The following TRAPPC3L variants were observed in gnomAD, a reference collection of about 807,000 sequenced individuals.
TRAPPC3L encodes the protein trafficking protein particle complex subunit 3-like protein.
In TRAPPC3L, 23 loss-of-function variants were observed where a neutral mutation model predicts 23.7. That is an observed-to-expected ratio of 0.97 (90% confidence interval 0.70 to 1.37). The LOEUF (loss-of-function observed/expected upper bound fraction) is 1.37, where lower values mean the gene tolerates loss of function less well. Ranked by LOEUF, TRAPPC3L falls within the 40% of genes most tolerant of loss-of-function variation. TRAPPC3L has a pLI of 0.00. For missense variants in TRAPPC3L, 212 were observed against 216.8 expected, an observed-to-expected ratio of 0.98 and a Z score of 0.14; for synonymous variants, 81 against 77.9, an observed-to-expected ratio of 1.04 and a Z score of -0.21.
At chr6:116,533,161 T>C (rs1186695308) in intron 3 of TRAPPC3L, among the ~76,000 whole-genome samples, 1 of 152,182 alleles carries the variant, frequency 6.6e-6, no homozygotes, top group Non-Finnish European at 1.5e-5. Flanking sequence ...CTGGAGTTCT[T>C]GGCCACAGTG....
At chr6:116,500,826 A>T (rs911963351) in intron 3 of TRAPPC3L, among the ~76,000 whole-genome samples, 160 bp from the exon 4 acceptor site, 2 of 152,218 alleles carry the variant, frequency 1.3e-5, no homozygotes, top group African/African-American at 4.8e-5. Flanking sequence ...CAATTTATTG[A>T]TCCTATGATG....
intron 3 of TRAPPC3L, chr6:116,517,436 G>C (rs1434227405): frequency 6.6e-6 from 1 of 152,084 alleles, no homozygotes. Flanking sequence ...TTAAATCTCT[G>C]AGAAGAATTG....
At chr6:116,509,364 CA>C (rs1364049527) in intron 3 of TRAPPC3L, among the ~76,000 whole-genome samples, 1 of 151,684 alleles carries the variant, frequency 6.6e-6, no homozygotes, top group Non-Finnish European at 1.5e-5. Flanking sequence ...TATATGGAAC[CA>C]AAAAAAGAGC....
intron 1 of TRAPPC3L, chr6:116,543,742 A>T: frequency 7.8e-7 from 1 of 1,283,182 alleles, no homozygotes; most frequent in South Asian, 1.4e-5. Flanking sequence ...TTTTTCTAAA[A>T]TATATGCCAT....
intron 3 of TRAPPC3L, among the ~76,000 whole-genome samples, chr6:116,531,711 C>T (rs1267789671): frequency 2.6e-5 from 4 of 152,074 alleles, no homozygotes; most frequent in African/African-American, 4.8e-5. Context: ...ATGAAATGCA[C>T]TATGTAATGA....
chr6:116,515,723 GAGA>G (rs1319308902), intron 3 of TRAPPC3L: 2 of 1,613,912 alleles, frequency 1.2e-6, no homozygotes, highest in Non-Finnish European at 1.7e-6. Flanking sequence ...TGCACAAAAG[GAGA>G]AGGAGCAGTT....
intron 3 of TRAPPC3L, chr6:116,511,649 C>G (rs749066082): frequency 6.4e-7 from 1 of 1,566,818 alleles, no homozygotes; most frequent in South Asian, 1.2e-5. Context: ...GCCACAGCTG[C>G]TCTGCCAATA....
intron 3 of TRAPPC3L, among the ~76,000 whole-genome samples, chr6:116,510,926 CTG>C (rs758407536): frequency 2.0e-5 from 3 of 151,668 alleles, no homozygotes; most frequent in Non-Finnish European, 4.4e-5. Context: ...AAACCAAAAA[CTG>C]TAGTTCTCAC....
intron 3 of TRAPPC3L, among the ~76,000 whole-genome samples, chr6:116,513,634 A>G (rs947129019): frequency 2.6e-5 from 4 of 152,212 alleles, no homozygotes; most frequent in Non-Finnish European, 5.9e-5. Flanking sequence ...GAAGATGCAT[A>G]AGGAATGTGG....
intron 3 of TRAPPC3L, among the ~76,000 whole-genome samples, chr6:116,509,035 C>T (rs1049802547): frequency 2.1e-4 from 31 of 148,232 alleles, no homozygotes; most frequent in Middle Eastern, 3.5e-3. Flanking sequence ...TGCTATACAC[C>T]AACAACAACC....
At chr6:116,498,797 T>C (rs1314451050) in intron 4 of TRAPPC3L, among the ~76,000 whole-genome samples, 1 of 152,268 alleles carries the variant, frequency 6.6e-6, no homozygotes, top group Non-Finnish European at 1.5e-5. Flanking sequence ...CTTGTTTCTA[T>C]GACTCCTTCT....
At position 116,511,813 on chromosome 6, in the gene TRAPPC3L, T is replaced by C. The variant is rs1422260100; in HGVS notation, c.241-11147A>G. ...AGCGTCTCTTTTCTGTTGTGGCTTT[T>C]AAGTGCCCCTGCAGCACTGAGAATA... is the stretch of plus-strand genomic sequence containing the variant. On this transcript the variant is annotated intron_variant, in intron 3 of 4. Coordinates refer to ENST00000368602, the MANE Select transcript of TRAPPC3L (RefSeq NM_001139444.3). 1.9e-6 allele frequency: 3 copies of C among 1,614,088 alleles called. No homozygotes were observed. The East Asian group carries it at 6.7e-5, about 36-fold the overall frequency.
Position 116,543,491 on chromosome 6 carries a change from C to G in TRAPPC3L, c.43-91G>C. Reference sequence around the variant, plus strand: ...GTTTATAAAATCTGGTTTGAAGTAGCCTTAGAAGTCACCTGTACATTTTTT... The same window carrying G: ...GTTTATAAAATCTGGTTTGAAGTAGGCTTAGAAGTCACCTGTACATTTTTT... On this transcript the variant is annotated intron_variant, in intron 1 of 4. Transcript: ENST00000368602. 5.7e-6 allele frequency: 6 copies of G among 1,056,000 alleles called. No homozygotes were observed. In the South Asian group the frequency reaches 8.2e-5, roughly 14 times the overall value. 65.4% of individuals were successfully genotyped at this position (1,056,000 alleles called of 1,614,324 possible).
intron 4 of TRAPPC3L, among the ~76,000 whole-genome samples, chr6:116,497,592 T>G (rs879658957): frequency 1.3e-5 from 2 of 152,174 alleles, no homozygotes; most frequent in Admixed American, 6.5e-5. Flanking sequence ...ATTATAGATA[T>G]AAAATTAAAG....
intron 3 of TRAPPC3L, among the ~76,000 whole-genome samples, chr6:116,501,106 T>A (rs1458139851): frequency 6.6e-6 from 1 of 152,184 alleles, no homozygotes; most frequent in Non-Finnish European, 1.5e-5. Flanking sequence ...CATGAGTAAC[T>A]GTACTTGGAG....
chr6:116,543,732 T>C, intron 1 of TRAPPC3L: 1 of 1,209,440 alleles, frequency 8.3e-7, no homozygotes, highest in East Asian at 2.5e-5. Context: ...TAAATTTCTG[T>C]TTTTCTAAAA....
intron 3 of TRAPPC3L, chr6:116,515,501 G>T: frequency 8.0e-7 from 1 of 1,253,616 alleles, no homozygotes; most frequent in South Asian, 1.6e-5. Context: ...GTATGTCAAA[G>T]ACTGTGGTAA....
chr6:116,520,216 C>T (rs1326130121), intron 3 of TRAPPC3L: 2 of 152,162 alleles, frequency 1.3e-5, no homozygotes, highest in African/African-American at 2.4e-5. Flanking sequence ...TTAAAGCAAT[C>T]CAGAAGTCAC....
intron 3 of TRAPPC3L, chr6:116,512,365 G>A: frequency 2.8e-6 from 3 of 1,054,402 alleles, no homozygotes; most frequent in East Asian, 2.6e-5. Context: ...GAAACATGAT[G>A]CAGCATTGAG....
Sources: allele counts gnomAD v4.1 joint callset (sites outside exome capture counted in the v4.1 genomes callset), GRCh38; gene constraint gnomAD v4.1.1; transcripts MANE v1.5; gene names NCBI Gene and HGNC (gene_info 2026-07-23, HGNC 2026-07-21).